The following RALGPS2 variants were observed in gnomAD, a reference collection of about 807,000 sequenced individuals.
The protein encoded by RALGPS2 is Ral GEF with PH domain and SH3 binding motif 2.
RALGPS2 carries 43 observed loss-of-function variants against 86.8 expected under a neutral mutation model. The observed-to-expected ratio is 0.50, with a 90% CI of 0.39 to 0.64. The LOEUF (loss-of-function observed/expected upper bound fraction) is 0.64. Ranked by LOEUF, RALGPS2 falls within the 30% of genes least tolerant of loss-of-function variation. The pLI is 0.00. For missense variants in RALGPS2, 536 were observed against 694.6 expected (o/e 0.77, Z 2.57); for synonymous variants, 243 against 231.3 (o/e 1.05, Z -0.46).
intron 8 of RALGPS2, among the ~76,000 whole-genome samples, chr1:178,863,642 T>G (rs554380490): frequency 6.6e-6 from 1 of 152,276 alleles, no homozygotes; most frequent in Non-Finnish European, 1.5e-5. Flanking sequence ...TTTGGTTAAA[T>G]CAGGAGGGAG....
chr1:178,824,504 G>A (rs1021510490), intron 7 of RALGPS2, among the ~76,000 whole-genome samples: 3 of 152,100 alleles, frequency 2.0e-5, no homozygotes, highest in Non-Finnish European at 2.9e-5. Flanking sequence ...TAGTGTATCA[G>A]TAAGAGTTTA....
chr1:178,883,246 G>A (rs1373991801), intron 10 of RALGPS2, among the ~76,000 whole-genome samples: 1 of 152,096 alleles, frequency 6.6e-6, no homozygotes, highest in Non-Finnish European at 1.5e-5. Context: ...CAGCACTTTG[G>A]GAGGCCAAGA....
At chr1:178,753,353 C>T (rs1651780307) in intron 1 of RALGPS2, among the ~76,000 whole-genome samples, 1 of 152,236 alleles carries the variant, frequency 6.6e-6, no homozygotes, top group South Asian at 2.1e-4. Flanking sequence ...GGACATGGGC[C>T]CTGAGACAAG....
At chr1:178,873,903 C>T (rs577734756) in intron 8 of RALGPS2, among the ~76,000 whole-genome samples, 44 of 151,670 alleles carry the variant, frequency 2.9e-4, no homozygotes, top group Admixed American at 4.6e-4. Context: ...TTTTTTGAGA[C>T]GGAGTCTTGC....
intron 7 of RALGPS2, among the ~76,000 whole-genome samples, chr1:178,827,304 A>G (rs1655789887): frequency 1.3e-5 from 2 of 152,206 alleles, no homozygotes; most frequent in South Asian, 2.1e-4. Flanking sequence ...AGAAAAAACA[A>G]TTCTAAAATT....
At chr1:178,851,300 A>T in intron 8 of RALGPS2, 1 of 1,611,096 alleles carries the variant, frequency 6.2e-7, no homozygotes, top group Non-Finnish European at 8.5e-7. Flanking sequence ...CTCCTTTATG[A>T]AAGTGGGCGC....
At chr1:178,814,082 C>T (rs1266700916) in intron 6 of RALGPS2, among the ~76,000 whole-genome samples, 2 of 152,220 alleles carry the variant, frequency 1.3e-5, no homozygotes, top group African/African-American at 4.8e-5. Flanking sequence ...CCTTCTACTG[C>T]AATGGGAACT....
At chr1:178,734,706 A>G (rs1650575632) in intron 1 of RALGPS2, among the ~76,000 whole-genome samples, 3 of 152,218 alleles carry the variant, frequency 2.0e-5, no homozygotes, top group South Asian at 2.1e-4. Flanking sequence ...ATGTGTTTCG[A>G]TGATTCTGTA....
intron 6 of RALGPS2, among the ~76,000 whole-genome samples, chr1:178,817,130 C>T (rs1254751907): frequency 2.0e-5 from 3 of 151,618 alleles, no homozygotes; most frequent in East Asian, 2.0e-4. Flanking sequence ...GAGGCTGAGG[C>T]GGGCAGATCA....
chr1:178,882,439 A>G (rs192589703), intron 10 of RALGPS2, among the ~76,000 whole-genome samples: 304 of 152,360 alleles, frequency 2.0e-3, no homozygotes, highest in African/African-American at 7.0e-3. Context: ...ATAATTAAAC[A>G]TCTTCATAAA....
At chr1:178,749,617 T>G (rs1367452814) in intron 1 of RALGPS2, among the ~76,000 whole-genome samples, 1 of 152,226 alleles carries the variant, frequency 6.6e-6, no homozygotes, top group Non-Finnish European at 1.5e-5. Context: ...AGTATTTTTC[T>G]AAACGGAGTA....
chr1:178,912,148 T>C (rs1660653303), intron 19 of RALGPS2, among the ~76,000 whole-genome samples: 1 of 152,232 alleles, frequency 6.6e-6, no homozygotes. Context: ...CTTGCTTCTT[T>C]GGCCAGCTTA....
intron 7 of RALGPS2, among the ~76,000 whole-genome samples, chr1:178,823,317 C>CTA (rs1655597283): frequency 6.6e-6 from 1 of 152,140 alleles, no homozygotes; most frequent in Non-Finnish European, 1.5e-5. Context: ...TCATACTGTG[C>CTA]TATGCACTCT....
intron 1 of RALGPS2, among the ~76,000 whole-genome samples, chr1:178,766,350 G>C (rs957921797): frequency 2.0e-5 from 3 of 151,830 alleles, no homozygotes; most frequent in Non-Finnish European, 2.9e-5. Flanking sequence ...CTCGCGAGTA[G>C]CTGGGATTAC....
chr1:178,897,803 C>A, intron 17 of RALGPS2, 47 bp downstream of exon 17: 1 of 1,528,020 alleles, frequency 6.5e-7, no homozygotes, highest in South Asian at 1.1e-5. Context: ...CCAGACTGTT[C>A]ATGGTTATAA....
chr1:178,864,505 T>C (rs1381331744), intron 8 of RALGPS2, among the ~76,000 whole-genome samples: 1 of 152,132 alleles, frequency 6.6e-6, no homozygotes, highest in Non-Finnish European at 1.5e-5. Flanking sequence ...GAGGTGTAAT[T>C]ACAGCTTGAA....
At chr1:178,878,787 T>G in intron 9 of RALGPS2, 115 bp from the exon 10 acceptor site, 1 of 1,391,164 alleles carries the variant, frequency 7.2e-7, no homozygotes, top group East Asian at 2.5e-5. Context: ...CTAGAGTTAA[T>G]TTAAATTTTG....
intron 6 of RALGPS2, among the ~76,000 whole-genome samples, chr1:178,819,031 C>T (rs1271814316): frequency 5.3e-5 from 8 of 149,976 alleles, no homozygotes; most frequent in Admixed American, 5.3e-4. Context: ...CTGGGTTGCC[C>T]AGGCTAGAGT....
At chr1:178,859,729 C>T (rs1211478190) in intron 8 of RALGPS2, among the ~76,000 whole-genome samples, 4 of 121,866 alleles carry the variant, frequency 3.3e-5, no homozygotes, top group Admixed American at 8.6e-5. Flanking sequence ...GACGGAGTCT[C>T]GCTCTGTCGC....
Sources: allele counts gnomAD v4.1 joint callset (sites outside exome capture counted in the v4.1 genomes callset), GRCh38; gene constraint gnomAD v4.1.1; transcripts MANE v1.5; gene names NCBI Gene and HGNC (gene_info 2026-07-23, HGNC 2026-07-21).